TMEM14B: variants seen among roughly 807,000 people sequenced by gnomAD.
TMEM14B encodes transmembrane protein 14B.
Under a neutral mutation model 14.8 loss-of-function variants are expected in TMEM14B, and 9 were observed. The ratio of observed to expected loss-of-function variants is 0.61; its 90% CI spans 0.37 to 1.06. TMEM14B has a LOEUF of 1.06. TMEM14B is among the 50% of genes least tolerant of loss of function. The pLI is 0.01. For missense variants in TMEM14B, 128 were observed against 143.6 expected (o/e 0.89, Z 0.56); for synonymous variants, 40 against 51.3 (o/e 0.78, Z 0.94).
rs60849022 is a variant in TMEM14B, at chr6:10,752,452, CTTTTTTTTTTT to C, written c.202+1230_202+1240del. On this transcript the variant is annotated intron_variant, in intron 4 of 5. Coordinates refer to ENST00000379542, the MANE Select transcript of TMEM14B (RefSeq NM_030969.5). ...TGTCTCCTTCCCCTTCATAAACTAC[CTTTTTTTTTTT>C]TTTTTTTTTTTGAGACGGAGTCTCA... Among the ~76,000 whole-genome samples, 4 of 112,508 alleles carry C rather than the reference CTTTTTTTTTTT, an allele frequency of 3.6e-5. 1 individual carries two copies. The South Asian group carries it at 1.2e-3, about 35-fold the overall frequency. The allele number at this position is 112,508 out of a possible 152,430, so 73.8% of individuals were successfully genotyped here.
In TMEM14B at chr6:10,756,487, T is replaced by A. The variant is rs141075814; in HGVS notation, c.314T>A (p.Val105Asp). ...AACAGTTTGCTGATGGCCGCCAAAG[T>A]TGGAGTTCGTATGTTGATGACATCT... ...AGASLLMAAK[V>D]GVRMLMTSD Residue 105 changes from valine (V) to aspartate (D), a missense_variant, in exon 6 of 6, where the codon GTT becomes GAT. Transcript: ENST00000379542. The A allele has an allele frequency of 6.2e-7, 1 of 1,613,930 alleles. No individual in the cohort carries two copies. The highest frequency in any genetic ancestry group is 1.3e-5 in the African/African-American group (1 of 74,934).
At chr6:10,758,706 GCT>G (rs1402707200), downstream of TMEM14B, among the ~76,000 whole-genome samples, 1 of 152,144 alleles carries the variant, frequency 6.6e-6, no homozygotes, top group East Asian at 1.9e-4. Context: ...GTCAAGGTAG[GCT>G]TCACAAAGGA....
intron 1 of TMEM14B, among the ~76,000 whole-genome samples, chr6:10,748,304 A>G (rs575696388): frequency 1.3e-5 from 2 of 152,040 alleles, no homozygotes; most frequent in Non-Finnish European, 2.9e-5. Context: ...GGAGTGCAGT[A>G]GCCTGAATAT....
chr6:10,750,316 A>T (rs979150900), intron 3 of TMEM14B, among the ~76,000 whole-genome samples: 3 of 151,650 alleles, frequency 2.0e-5, no homozygotes, highest in Non-Finnish European at 4.4e-5. Flanking sequence ...AAAACGCCAC[A>T]CTTTGAGACG....
chr6:10,754,213 CTG>C (rs1309821184), intron 4 of TMEM14B, among the ~76,000 whole-genome samples: 4 of 152,190 alleles, frequency 2.6e-5, no homozygotes, highest in African/African-American at 9.7e-5. Context: ...GAGTGAGACT[CTG>C]TCTCAAAAAA....
chr6:10,753,150 C>A (rs943520502), intron 4 of TMEM14B, among the ~76,000 whole-genome samples: 1 of 152,002 alleles, frequency 6.6e-6, no homozygotes, highest in Non-Finnish European at 1.5e-5. Context: ...GCAGGAGAAT[C>A]GCTTGAACCC....
downstream of TMEM14B, among the ~76,000 whole-genome samples, chr6:10,758,656 TG>T (rs555690733): frequency 8.1e-4 from 123 of 151,576 alleles, no homozygotes; most frequent in African/African-American, 2.7e-3. Context: ...CATATTACTG[TG>T]GGGGCACAAG....
At chr6:10,757,670 C>T (rs1771854766), downstream of TMEM14B, among the ~76,000 whole-genome samples, 1 of 152,072 alleles carries the variant, frequency 6.6e-6, no homozygotes, top group Admixed American at 6.6e-5. Context: ...ATCTGGTGCC[C>T]TTTGTTTTAG....
downstream of TMEM14B, chr6:10,759,743 T>C (rs577025446): frequency 2.0e-4 from 30 of 152,342 alleles, no homozygotes; most frequent in African/African-American, 6.5e-4. Context: ...CGAGTGTGAC[T>C]GTTCCAATAA....
intron 4 of TMEM14B, among the ~76,000 whole-genome samples, chr6:10,754,448 G>T (rs1481711228): frequency 6.6e-6 from 1 of 152,090 alleles, no homozygotes; most frequent in Non-Finnish European, 1.5e-5. Flanking sequence ...TGCATATACT[G>T]TCCCCTCTGC....
downstream of TMEM14B, chr6:10,759,282 T>A (rs1446224622): frequency 2.0e-5 from 3 of 152,162 alleles, no homozygotes. Flanking sequence ...ACTATTCCCC[T>A]ACTGATAGAA....
chr6:10,749,380 T>C, intron 2 of TMEM14B, 112 bp downstream of exon 2: 1 of 1,383,122 alleles, frequency 7.2e-7, no homozygotes, highest in Non-Finnish European at 1.0e-6. Context: ...GCGTGCGGGA[T>C]GGGAGGATCA....
intron 4 of TMEM14B, among the ~76,000 whole-genome samples, chr6:10,753,650 C>A (rs929968278): frequency 2.0e-5 from 3 of 151,962 alleles, no homozygotes; most frequent in African/African-American, 4.8e-5. Flanking sequence ...TGTCCACTTT[C>A]CTTCAGATGT....
At chr6:10,747,968 C>G (rs1021708837) in intron 1 of TMEM14B, 87 bp downstream of exon 1, 1 of 152,322 alleles carries the variant, frequency 6.6e-6, no homozygotes, top group Non-Finnish European at 1.5e-5. Flanking sequence ...CGGCCGTCTG[C>G]TTTTCGTCCC....
chr6:10,755,837 C>T (rs887954536), intron 5 of TMEM14B: 1 of 212,364 alleles, frequency 4.7e-6, no homozygotes, highest in African/African-American at 2.4e-5. Context: ...GCCTGTAATC[C>T]CAGCTACTCG....
chr6:10,752,533 T>C (rs1771631595), intron 4 of TMEM14B, among the ~76,000 whole-genome samples: 1 of 147,016 alleles, frequency 6.8e-6, no homozygotes, highest in African/African-American at 2.5e-5. Context: ...CTTGGCTCAC[T>C]GCAACCTCCG....
intron 5 of TMEM14B, among the ~76,000 whole-genome samples, chr6:10,755,987 G>A (rs1369741280): frequency 6.6e-6 from 1 of 151,946 alleles, no homozygotes; most frequent in Non-Finnish European, 1.5e-5. Flanking sequence ...TGTTAAGTAT[G>A]ATAAAGACAT....
At chr6:10,753,917 C>T (rs182773733) in intron 4 of TMEM14B, among the ~76,000 whole-genome samples, 1,607 of 152,270 alleles carry the variant, frequency 0.011, 27 homozygotes, top group African/African-American at 0.037. Flanking sequence ...GCTGGTATCC[C>T]CATGTACCCT....
Position 10,749,673 on chromosome 6 carries a change from T to G in TMEM14B, c.75T>G (p.Gly25=), listed in dbSNP as rs899112924. The change falls in exon 3 of 6, where the codon GGT becomes GGG. Residue 25 remains glycine, a synonymous_variant. Transcript: ENST00000379542. ...GFGYTALVVS[G]GIVGYVKTGS... ...GCTACACAGCACTGGTTGTTTCTGG[T>G]GGGATCGTTGGCTATGTAAAAACAG... 47 of 1,614,242 alleles carry G rather than the reference T, an allele frequency of 2.9e-5. No homozygotes were observed. The highest frequency in any genetic ancestry group is 4.0e-5 in the Non-Finnish European group (47 of 1,180,038).
Sources: gnomAD v4.1 joint callset for allele counts (sites outside exome capture counted in the v4.1 genomes callset) on GRCh38, gnomAD v4.1.1 for gene constraint, MANE v1.5 for transcripts, NCBI Gene and HGNC (gene_info 2026-07-23, HGNC 2026-07-21) for gene names.